Variants in KDM2A observed in about 807,000 individuals in gnomAD.
KDM2A encodes the protein lysine demethylase 2A.
Under a neutral mutation model 137.3 loss-of-function variants are expected in KDM2A, and 3 were observed. The observed-to-expected ratio is 0.02, with a 90% confidence interval of 0.01 to 0.06. KDM2A has a LOEUF of 0.06. Ranked by LOEUF, KDM2A falls within the 10% of genes least tolerant of loss-of-function variation. KDM2A has a pLI of 1.00. For missense variants in KDM2A, 738 were observed against 1,510.6 expected, an observed-to-expected ratio of 0.49 and a Z score of 8.48; for synonymous variants, 512 against 541.5, an observed-to-expected ratio of 0.95 and a Z score of 0.76.
chr11:67,165,973 G>A (rs775560819), intron 2 of KDM2A, among the ~76,000 whole-genome samples: 1 of 152,078 alleles, frequency 6.6e-6, no homozygotes, highest in Non-Finnish European at 1.5e-5. Context: ...CCAGTACCAT[G>A]TATTATACTG....
Position 67,254,685 on chromosome 11 carries a change from T to C in KDM2A, c.3308-189T>C, listed in dbSNP as rs563260705. Among the ~76,000 whole-genome samples, 4 of 152,272 alleles carry C rather than the reference T, an allele frequency of 2.6e-5. No homozygotes were observed. Among genetic ancestry groups the C allele is most frequent in the Admixed American group, 2.0e-4 (3 of 15,296 alleles). The stretch of plus-strand genomic sequence containing the variant: ...TGCAGCCCTTGTGCTTGTTGTCATA[T>C]GGTGATGGGAGTGAGGCAGCAGGGT... On this transcript the variant is annotated intron_variant, in intron 20 of 20. Transcript: ENST00000529006. The surrounding 1 kb of genome is among the most constrained non-coding windows in gnomAD (Gnocchi z 4.7).
At position 67,242,995 on chromosome 11, in the gene KDM2A, C is replaced by T. The variant is rs755968016; in HGVS notation, c.1480-14C>T. On this transcript the variant is annotated splice_polypyrimidine_tract_variant and intron_variant, in intron 12 of 20. Coordinates refer to ENST00000529006, the MANE Select transcript of KDM2A (RefSeq NM_012308.3). Reference sequence around the variant, plus strand: ...CCTGCCCTGATTTTTCCTTCTTTTCCCTCCTACCCTTAGATTTTGCTGGAG... The same window carrying T: ...CCTGCCCTGATTTTTCCTTCTTTTCTCTCCTACCCTTAGATTTTGCTGGAG... 6.2e-7 allele frequency: 1 copy of T among 1,611,542 alleles called. No individual in the cohort carries two copies. Among genetic ancestry groups the T allele is most frequent in the South Asian group, 1.1e-5 (1 of 91,020 alleles).
chr11:67,185,222 C>A (rs1213269388), intron 5 of KDM2A, among the ~76,000 whole-genome samples: 2 of 152,090 alleles, frequency 1.3e-5, no homozygotes, highest in African/African-American at 4.8e-5. Context: ...AACTTAGATT[C>A]AAAGGCAGAT....
Position 67,245,967 on chromosome 11 carries a change from A to G in KDM2A, c.1834-18A>G, listed in dbSNP as rs1289770826. 21 of 1,613,464 alleles carry G rather than the reference A, an allele frequency of 1.3e-5. 1 individual carries two copies. Among genetic ancestry groups the G allele is most frequent in the South Asian group, 3.3e-5 (3 of 91,042 alleles). ...ATCTGAGTCAGTTCTCTTGGATTCT[A>G]TCTTTGTCCTCTTGTAGCCCAGACT... is the stretch of plus-strand genomic sequence containing the variant. On this transcript the variant is annotated intron_variant, in intron 14 of 20. Transcript: ENST00000529006. This position sits in a 1 kb window ranked among gnomAD's most constrained non-coding sequence, Gnocchi z 4.1.
intron 11 of KDM2A, among the ~76,000 whole-genome samples, chr11:67,228,433 T>C (rs1228157850): frequency 6.6e-6 from 1 of 152,166 alleles, no homozygotes; most frequent in Non-Finnish European, 1.5e-5. Context: ...GGTTCACGCC[T>C]GTAATCCTAG....
At chr11:67,128,676 C>A (rs1169627239) in intron 2 of KDM2A, among the ~76,000 whole-genome samples, 2 of 152,040 alleles carry the variant, frequency 1.3e-5, no homozygotes, top group East Asian at 3.8e-4. Context: ...TAAATTTAAG[C>A]CCTATTATTT....
chr11:67,178,822 T>G (rs1032847911), intron 2 of KDM2A, among the ~76,000 whole-genome samples: 1 of 152,250 alleles, frequency 6.6e-6, no homozygotes, highest in African/African-American at 2.4e-5. Flanking sequence ...TTTCTATCTT[T>G]TGGCTGTTGT....
chr11:67,132,680 A>G (rs974733509), intron 2 of KDM2A, among the ~76,000 whole-genome samples: 1 of 152,222 alleles, frequency 6.6e-6, no homozygotes, highest in Non-Finnish European at 1.5e-5. Context: ...AAGAAATTCA[A>G]ATAGCTTGCC....
chr11:67,235,271 A>G lies in KDM2A; in HGVS notation c.1479+3311A>G, dbSNP rs1047580017. Among the ~76,000 whole-genome samples, 15 of 151,542 alleles carry G rather than the reference A, an allele frequency of 9.9e-5. 1 individual carries two copies. Reference sequence around the variant, plus strand: ...GTAATGTTGACTCTTGAAAGTGTACATAGGTAGAATAGGGTTTTCCTACTA... The same window carrying G: ...GTAATGTTGACTCTTGAAAGTGTACGTAGGTAGAATAGGGTTTTCCTACTA... On this transcript the variant is annotated intron_variant, in intron 12 of 20. Coordinates refer to ENST00000529006, the MANE Select transcript of KDM2A (RefSeq NM_012308.3).
intron 5 of KDM2A, among the ~76,000 whole-genome samples, chr11:67,202,107 G>A (rs1857642026): frequency 6.6e-6 from 1 of 152,182 alleles, no homozygotes; most frequent in Non-Finnish European, 1.5e-5. Context: ...AACTGCAAAT[G>A]TGGTGAAAAT....
Position 67,250,752 on chromosome 11 carries a change from A to G in KDM2A, c.2722A>G (p.Arg908Gly). The change falls in exon 17 of 21, where the codon AGA (arginine) becomes GGA (glycine). Residue 908 changes from arginine to glycine, a missense_variant. Physicochemically the swap from Arg to Gly is moderately radical, Grantham distance 125 (BLOSUM62 -2). This residue lies in a region of KDM2A where 244 missense variants were observed against 324.6 expected (regional missense o/e 0.75). Coordinates refer to ENST00000529006, the MANE Select transcript of KDM2A (RefSeq NM_012308.3). The surrounding 1 kb of genome is among the most constrained non-coding windows in gnomAD (Gnocchi z 7.1). ...GTCTGTCTTCCGCTACCTCAGCCGC[A>G]GAGAACTTTGTGAATGTATGCGAGT... Reference protein sequence around the residue: ...WMSVFRYLSRRELCECMRVCK... With the variant: ...WMSVFRYLSRGELCECMRVCK... 1 of 1,546,864 alleles carries G rather than the reference A, an allele frequency of 6.5e-7. No individual in the cohort carries two copies. Among genetic ancestry groups the G allele is most frequent in the Non-Finnish European group, 8.7e-7 (1 of 1,146,082 alleles).
chr11:67,231,642 C>T lies in KDM2A; in HGVS notation c.1161C>T (p.Ser387=), dbSNP rs780011922. ...ATCGAGAACCCCGACGCTTGAGCAG[C>T]AGGCGTTCTGTCCTCACTAGCCCTG... ...AVDREPRRLS[S]RRSVLTSPVA... Residue 387 remains serine, a synonymous_variant, in exon 12 of 21, where the codon AGC becomes AGT. Transcript: ENST00000529006. The T allele has an allele frequency of 2.5e-6, 4 of 1,613,148 alleles. No individual in the cohort carries two copies. Among genetic ancestry groups the T allele is most frequent in the Admixed American group, 1.7e-5 (1 of 59,822 alleles).
rs190069959 is a variant in KDM2A, at chr11:67,244,910, C to T, written c.1564-279C>T. Among the ~76,000 whole-genome samples the T allele has an allele frequency of 5.7e-3, 848 of 149,840 alleles. 3 individuals carry two copies. Among genetic ancestry groups the T allele is most frequent in the African/African-American group, 0.02 (828 of 40,626 alleles). On this transcript the variant is annotated intron_variant, in intron 13 of 20. Coordinates refer to ENST00000529006, the MANE Select transcript of KDM2A (RefSeq NM_012308.3). ...CTGAGGCAGGAGAATGGCGGGAACCCGGGAGGCGGAGCTTGCAGTGAGCCG... is the reference window on the plus strand; with the variant it reads ...CTGAGGCAGGAGAATGGCGGGAACCTGGGAGGCGGAGCTTGCAGTGAGCCG...
rs1273876775 is a variant in KDM2A at position 67,219,412 on chromosome 11, T to A, written c.957+9T>A. 3 of 1,504,124 alleles carry A rather than the reference T, an allele frequency of 2.0e-6. No individual in the cohort carries two copies. Among genetic ancestry groups the A allele is most frequent in the Non-Finnish European group, 2.7e-6 (3 of 1,092,328 alleles). 93.2% of individuals were successfully genotyped at this position (1,504,124 alleles called of 1,614,324 possible). On this transcript the variant is annotated intron_variant, in intron 10 of 20. Transcript: ENST00000529006. The stretch of plus-strand genomic sequence containing the variant: ...TTGAAGATCGGACACGGGTAAGTAA[T>A]CTTATGTAACAGTTGCATGTGAAGA...
intron 2 of KDM2A, among the ~76,000 whole-genome samples, chr11:67,156,625 A>C (rs1310715048): frequency 6.6e-6 from 1 of 151,480 alleles, no homozygotes; most frequent in Non-Finnish European, 1.5e-5. Flanking sequence ...AGGCTGAGGC[A>C]GGAGAATGGC....
At chr11:67,147,103 TG>T (rs1276044999) in intron 2 of KDM2A, among the ~76,000 whole-genome samples, 1 of 152,136 alleles carries the variant, frequency 6.6e-6, no homozygotes, top group African/African-American at 2.4e-5. Flanking sequence ...GTGTCTGCCA[TG>T]TAAGTCCGAT....
At chr11:67,205,012 T>C (rs952207522) in intron 5 of KDM2A, among the ~76,000 whole-genome samples, 1 of 152,220 alleles carries the variant, frequency 6.6e-6, no homozygotes, top group African/African-American at 2.4e-5. Context: ...CTTTTAGATA[T>C]ATGCCTAGAA....
At chr11:67,217,441 T>G (rs775087262) in intron 8 of KDM2A, 126 of 388,662 alleles carry the variant, frequency 3.2e-4, no homozygotes, top group Non-Finnish European at 4.7e-4. Flanking sequence ...ACAGAGTGTT[T>G]AAGGGACTGC....
chr11:67,156,965 A>G (rs925912955), intron 2 of KDM2A, among the ~76,000 whole-genome samples: 13 of 152,054 alleles, frequency 8.5e-5, no homozygotes, highest in African/African-American at 2.2e-4. Context: ...GTTGTGGTAG[A>G]GGCTGTATGG....
Sources: allele counts gnomAD v4.1 joint callset (sites outside exome capture counted in the v4.1 genomes callset), GRCh38; gene constraint gnomAD v4.1.1; regional missense constraint gnomAD v4.1.1; non-coding constraint Gnocchi (gnomAD v3.1); transcripts MANE v1.5; gene names NCBI Gene and HGNC (gene_info 2026-07-23, HGNC 2026-07-21).